PTPRB: variants seen among roughly 807,000 people sequenced by gnomAD.
The protein encoded by PTPRB is protein tyrosine phosphatase receptor type B.
A neutral mutation model predicts 238.1 loss-of-function variants in PTPRB; 97 were observed. The ratio of observed to expected loss-of-function variants is 0.41; its 90% confidence interval spans 0.35 to 0.48. PTPRB has a LOEUF of 0.48. Among genes scored for constraint, PTPRB ranks in the 20% least tolerant of loss-of-function variants. The pLI is 0.30. For synonymous variants in PTPRB, 970 were observed against 995.4 expected (o/e 0.97, Z 0.48); for missense variants, 2,292 against 2,681.9 (o/e 0.85, Z 3.21).
At chr12:70,557,239 AT>A (rs2136315685) in intron 18 of PTPRB, among the ~76,000 whole-genome samples, 1 of 152,340 alleles carries the variant, frequency 6.6e-6, no homozygotes, top group South Asian at 2.1e-4. Context: ...CAAATCATTC[AT>A]TATGGTTGAA....
At chr12:70,596,364 A>G in intron 4 of PTPRB, 37 bp from the exon 5 acceptor site, 1 of 1,336,454 alleles carries the variant, frequency 7.5e-7, no homozygotes, top group Non-Finnish European at 9.6e-7. Flanking sequence ...CAAAAAAAAA[A>G]AAGAAAGAAA....
At chr12:70,582,626 A>T (rs1273356713) in intron 9 of PTPRB, among the ~76,000 whole-genome samples, 2 of 152,134 alleles carry the variant, frequency 1.3e-5, no homozygotes, top group Non-Finnish European at 2.9e-5. Flanking sequence ...AAAGAAAAAA[A>T]CCTTCACCTA....
intron 2 of PTPRB, among the ~76,000 whole-genome samples, chr12:70,628,378 G>A (rs1229686579): frequency 6.6e-6 from 1 of 152,202 alleles, no homozygotes; most frequent in Non-Finnish European, 1.5e-5. Context: ...AATGTAAGGA[G>A]ACTTGACATT....
chr12:70,609,685 CGA>C, intron 3 of PTPRB: 1 of 1,429,970 alleles, frequency 7.0e-7, no homozygotes, highest in Non-Finnish European at 9.6e-7. Context: ...ACCCGATAGA[CGA>C]GAAAGTGGAG....
intron 29 of PTPRB, among the ~76,000 whole-genome samples, chr12:70,535,227 T>G (rs979266149): frequency 1.9e-4 from 3 of 16,072 alleles, no homozygotes; most frequent in African/African-American, 7.2e-4. Context: ...GGCTTGAGTT[T>G]TTTTTTTTTT....
In PTPRB at chr12:70,563,039, C is replaced by A. The variant is rs200923003; in HGVS notation, c.3973G>T (p.Ala1325Ser). ...TACCAGCTGAGCTCCCCCTCTGAGG[C>A]GGTCCAGCGGAAGGACAGGTGCCTG... ...STRHLSFRWT[A>S]SEGELSWYNI... is the part of the protein sequence containing the mutation. The change falls in exon 16 of 34, where the codon GCC becomes TCC. Residue 1325 changes from alanine to serine, a missense_variant. Around this residue, in one of 4 missense-constraint regions of PTPRB, gnomAD observed 683 missense variants for 862.0 expected, o/e 0.79. Coordinates refer to ENST00000334414, the MANE Select transcript of PTPRB (RefSeq NM_001109754.4). The A allele has an allele frequency of 1.2e-6, 2 of 1,613,728 alleles. No homozygotes were observed. The highest frequency in any genetic ancestry group is 1.7e-6 in the Non-Finnish European group (2 of 1,179,828).
rs749431250 is a variant in PTPRB at position 70,569,874 on chromosome 12, G to C, written c.3435C>G (p.Asn1145Lys). 1.2e-6 allele frequency: 2 copies of C among 1,613,754 alleles called. No individual in the cohort carries two copies. Among genetic ancestry groups the C allele is most frequent in the South Asian group, 1.1e-5 (1 of 91,078 alleles). Residue 1145 changes from asparagine (N) to lysine (K), a missense_variant, in exon 14 of 34, where the codon AAC (asparagine) becomes AAG (lysine). Physicochemically the swap from Asn to Lys is moderately conservative, Grantham distance 94. Coordinates refer to ENST00000334414, the MANE Select transcript of PTPRB (RefSeq NM_001109754.4). ...CAACGTCTCCCCCACCAGGAGTCCAGTTCACCGTCAGGCTATCTGTTGCTC... is the reference window on the plus strand; with the variant it reads ...CAACGTCTCCCCCACCAGGAGTCCACTTCACCGTCAGGCTATCTGTTGCTC... ...PNGATDSLTV[N>K]WTPGGGDVDS...
At chr12:70,528,389 A>T (rs1475512225) in intron 32 of PTPRB, among the ~76,000 whole-genome samples, 1 of 152,010 alleles carries the variant, frequency 6.6e-6, no homozygotes, top group Non-Finnish European at 1.5e-5. Context: ...CAGCAAGGGA[A>T]CTTTGATGGT....
chr12:70,579,640 T>A (rs1368377581), intron 10 of PTPRB, among the ~76,000 whole-genome samples: 5 of 141,026 alleles, frequency 3.5e-5, no homozygotes, highest in African/African-American at 1.3e-4. Context: ...GAGGTTGCAG[T>A]GAGCCAAGAT....
At chr12:70,528,988 G>GGCATTTACATCCATCTGGTAGGCA (rs1872791569) in intron 32 of PTPRB, among the ~76,000 whole-genome samples, 1 of 151,488 alleles carries the variant, frequency 6.6e-6, no homozygotes, top group African/African-American at 2.4e-5. Context: ...TCTGGTAGGC[G>GGCATTTACATCCATCTGGTAGGCA]GGCATTTACA....
At chr12:70,586,074 T>A (rs1170047516) in intron 9 of PTPRB, among the ~76,000 whole-genome samples, 2 of 152,156 alleles carry the variant, frequency 1.3e-5, no homozygotes, top group African/African-American at 4.8e-5. Flanking sequence ...TGGTTCCAAG[T>A]CTTTGCTATT....
At chr12:70,524,895 G>A (rs963632225) in intron 32 of PTPRB, among the ~76,000 whole-genome samples, 3 of 150,524 alleles carry the variant, frequency 2.0e-5, no homozygotes, top group South Asian at 2.1e-4. Flanking sequence ...GTATATATGT[G>A]TATATATGTG....
Position 70,524,539 on chromosome 12 carries a change from T to G in PTPRB, c.6557A>C (p.Lys2186Thr), listed in dbSNP as rs777275247. The G allele has an allele frequency of 6.2e-7, 1 of 1,613,308 alleles. No homozygotes were observed. Among genetic ancestry groups the G allele is most frequent in the East Asian group, 2.2e-5 (1 of 44,874 alleles). The change falls in exon 33 of 34, where the codon AAG becomes ACG. Residue 2186 changes from lysine to threonine, a missense_variant. Physicochemically the swap from Lys to Thr is moderately conservative, Grantham distance 78 (BLOSUM62 -1). This residue lies in a region of PTPRB where 397 missense variants were observed against 502.0 expected (regional missense o/e 0.79). Transcript: ENST00000334414. ...QCVRDVLRARKLRSEQENPLF... is the reference protein window; with the variant it reads ...QCVRDVLRARTLRSEQENPLF... ...GGGGTTTTCTTGTTCACTCCGTAGCTTTCTTGCTCTGAGGACATCTCTTAC... is the reference window on the plus strand; with the variant it reads ...GGGGTTTTCTTGTTCACTCCGTAGCGTTCTTGCTCTGAGGACATCTCTTAC...
intron 18 of PTPRB, among the ~76,000 whole-genome samples, chr12:70,557,013 A>C (rs1255862845): frequency 6.6e-6 from 1 of 152,256 alleles, no homozygotes; most frequent in Non-Finnish European, 1.5e-5. Flanking sequence ...AAAGGAAAAC[A>C]TACCAGAAGA....
At chr12:70,554,110 C>T (rs1194015582) in intron 20 of PTPRB, among the ~76,000 whole-genome samples, 1 of 152,208 alleles carries the variant, frequency 6.6e-6, no homozygotes, top group Non-Finnish European at 1.5e-5. Flanking sequence ...CTGGGACACA[C>T]CACTGACCCT....
chr12:70,541,150 C>T, intron 22 of PTPRB, 193 bp from the exon 23 acceptor site: 1 of 558,896 alleles, frequency 1.8e-6, no homozygotes, highest in Non-Finnish European at 3.2e-6. Context: ...GGCTGGCTCC[C>T]ACCCTGTAGC....
At chr12:70,570,037 G>T in intron 13 of PTPRB, 99 bp from the exon 14 acceptor site, 1 of 1,108,238 alleles carries the variant, frequency 9.0e-7, no homozygotes, top group Non-Finnish European at 1.3e-6. Context: ...GGCACCCACT[G>T]AGAGAACTCA....
At chr12:70,636,689 G>A (rs1885711745) in intron 1 of PTPRB, among the ~76,000 whole-genome samples, 1 of 152,128 alleles carries the variant, frequency 6.6e-6, no homozygotes. Context: ...ATTTCCTTTA[G>A]TCGTGGAGAG....
At chr12:70,568,475 T>G (rs906645744) in intron 14 of PTPRB, among the ~76,000 whole-genome samples, 8 of 152,100 alleles carry the variant, frequency 5.3e-5, no homozygotes, top group African/African-American at 1.4e-4. Context: ...TTTTTTGTAT[T>G]TTTAGTAGAG....
Sources: gnomAD v4.1 joint callset for allele counts (sites outside exome capture counted in the v4.1 genomes callset) on GRCh38, gnomAD v4.1.1 for gene constraint, gnomAD v4.1.1 regional missense constraint, MANE v1.5 for transcripts, NCBI Gene and HGNC (gene_info 2026-07-23, HGNC 2026-07-21) for gene names.